LDB3: variants seen among roughly 807,000 people sequenced by gnomAD.
LDB3 encodes the protein LIM domain binding 3.
Under a neutral mutation model 69.0 loss-of-function variants are expected in LDB3, and 49 were observed. The ratio of observed to expected loss-of-function variants is 0.71; its 90% CI spans 0.56 to 0.90. LDB3 has a LOEUF of 0.90. LDB3 is among the 40% of genes least tolerant of loss of function. The pLI, the probability that LDB3 is intolerant of heterozygous loss-of-function variation, is 0.00. For missense variants in LDB3, 928 were observed against 974.1 expected, an observed-to-expected ratio of 0.95 and a Z score of 0.63; for synonymous variants, 387 against 396.2, an observed-to-expected ratio of 0.98 and a Z score of 0.28.
intron 2 of LDB3, among the ~76,000 whole-genome samples, chr10:86,677,125 G>T (rs1313571275): frequency 6.6e-6 from 1 of 152,238 alleles, no homozygotes; most frequent in Non-Finnish European, 1.5e-5. Flanking sequence ...CAGCTTGTAG[G>T]GGGTGGGGTC....
chr10:86,685,832 C>A (rs540130890), intron 5 of LDB3: 7 of 1,071,144 alleles, frequency 6.5e-6, no homozygotes, highest in African/African-American at 3.1e-5. Flanking sequence ...GTGGGGTACA[C>A]TTGTACCCCT....
chr10:86,726,894 G>T (rs1207933559), intron 13 of LDB3, among the ~76,000 whole-genome samples: 1 of 152,162 alleles, frequency 6.6e-6, no homozygotes, highest in Non-Finnish European at 1.5e-5. Flanking sequence ...GAGGGTTTTG[G>T]GTTGGGGTGG....
At chr10:86,729,356 G>A (rs186881292) in intron 13 of LDB3, among the ~76,000 whole-genome samples, 1 of 152,336 alleles carries the variant, frequency 6.6e-6, no homozygotes. Context: ...CGACACTTGA[G>A]TTCCAATGGA....
intron 5 of LDB3, among the ~76,000 whole-genome samples, chr10:86,685,150 G>A (rs968368992): frequency 1.3e-5 from 2 of 152,124 alleles, no homozygotes; most frequent in Non-Finnish European, 1.5e-5. Context: ...GGTTTGGGGG[G>A]GCATAGGAAA....
At chr10:86,732,188 A>G (rs1378963386) in intron 13 of LDB3, among the ~76,000 whole-genome samples, 1 of 151,682 alleles carries the variant, frequency 6.6e-6, no homozygotes, top group Non-Finnish European at 1.5e-5. Flanking sequence ...ATTAGTGAGT[A>G]CAATCTTCTC....
intron 2 of LDB3, among the ~76,000 whole-genome samples, chr10:86,674,839 C>T (rs1471425417): frequency 1.3e-5 from 2 of 152,158 alleles, no homozygotes; most frequent in Non-Finnish European, 2.9e-5. Flanking sequence ...GAGCCCTGGA[C>T]TCTGGGCAAG....
At chr10:86,692,722 G>A (rs1845825921) in intron 7 of LDB3, 151 bp downstream of exon 7, 5 of 760,438 alleles carry the variant, frequency 6.6e-6, no homozygotes, top group Admixed American at 5.9e-5. Context: ...ACACTAGCTT[G>A]AGGCAGCATC....
intron 5 of LDB3, among the ~76,000 whole-genome samples, chr10:86,688,148 C>A (rs1044191644): frequency 2.0e-5 from 3 of 147,120 alleles, no homozygotes; most frequent in African/African-American, 7.5e-5. Flanking sequence ...CTGTTTTCTA[C>A]TTGGGAATAC....
Position 86,732,881 on chromosome 10 carries a change from C to T in LDB3, c.2095-6C>T. The T allele has an allele frequency of 1.2e-6, 2 of 1,612,398 alleles. No homozygotes were observed. Among genetic ancestry groups the T allele is most frequent in the Non-Finnish European group, 1.7e-6 (2 of 1,178,794 alleles). On this transcript the variant is annotated splice_region_variant and splice_polypyrimidine_tract_variant and intron_variant, in intron 13 of 13. Coordinates refer to ENST00000361373, the MANE Select transcript of LDB3 (RefSeq NM_007078.3). ...GGGTCTCACGCAGGTCTGTTCTCTG[C>T]TCCAGGTCTGCCATGTGAATCTGGA...
intron 8 of LDB3, among the ~76,000 whole-genome samples, chr10:86,707,943 T>C (rs986744357): frequency 6.6e-6 from 1 of 152,234 alleles, no homozygotes; most frequent in African/African-American, 2.4e-5. Context: ...TGCAGAAAGA[T>C]GAAACTTTGA....
intron 13 of LDB3, among the ~76,000 whole-genome samples, chr10:86,729,906 TGACTCA>T (rs1847396432): frequency 6.6e-6 from 1 of 152,218 alleles, no homozygotes; most frequent in African/African-American, 2.4e-5. Flanking sequence ...ATTGACAGGC[TGACTCA>T]TTCCAGAGAT....
At position 86,733,086 on chromosome 10, in the gene LDB3, C is replaced by A. The variant is rs1015571817; in HGVS notation, c.*110C>A. The A allele has an allele frequency of 3.9e-6, 3 of 770,776 alleles. No individual in the cohort carries two copies. In the African/African-American group the frequency reaches 5.2e-5, roughly 13 times the overall value. The allele number at this position is 770,776 out of a possible 1,614,324, so 47.7% of individuals were successfully genotyped here. On this transcript the variant is annotated 3_prime_UTR_variant, in exon 14 of 14. Coordinates refer to ENST00000361373, the MANE Select transcript of LDB3 (RefSeq NM_007078.3). ...GAGGGGAATGGGGAGAGAGAGGAAG[C>A]GACTGAGCCCTTTGGAAGTATAATT... is the stretch of plus-strand genomic sequence containing the variant.
chr10:86,717,352 A>G (rs1194968564), intron 10 of LDB3, among the ~76,000 whole-genome samples: 1 of 152,242 alleles, frequency 6.6e-6, no homozygotes, highest in Non-Finnish European at 1.5e-5. Context: ...ATACATACTC[A>G]TTAGTGAAGA....
Position 86,729,830 on chromosome 10 carries a change from C to CA in LDB3, c.2095-3054dup, listed in dbSNP as rs1312769238. Among the ~76,000 whole-genome samples, 5 of 152,306 alleles carry CA rather than the reference C, an allele frequency of 3.3e-5. No individual in the cohort carries two copies. The South Asian group carries it at 1.0e-3, about 32-fold the overall frequency. On this transcript the variant is annotated intron_variant, in intron 13 of 13. Transcript: ENST00000361373. ...CTTCTCTCCCCAGCCTGACTCATCC[C>CA]AAAGTTCTCACAAGCAACCAGCATT... is the stretch of plus-strand genomic sequence containing the variant.
chr10:86,710,186 C>T, intron 9 of LDB3, 136 bp downstream of exon 9: 1 of 1,527,106 alleles, frequency 6.5e-7, no homozygotes, highest in Non-Finnish European at 8.8e-7. Context: ...GCTCCGCCCT[C>T]CGTCCCCTAG....
Position 86,717,582 on chromosome 10 carries a change from A to G in LDB3, c.1677-382A>G, listed in dbSNP as rs148533412. Among the ~76,000 whole-genome samples, 31 of 152,350 alleles carry G rather than the reference A, an allele frequency of 2.0e-4. No homozygotes were observed. In the East Asian group the frequency reaches 5.2e-3, roughly 26 times the overall value. On this transcript the variant is annotated intron_variant, in intron 10 of 13. Transcript: ENST00000361373. ...GTACCTAGTGCGTAGGATTGTTGTG[A>G]GAATTAAGCAAGTTAATAAATGCAA... is the stretch of plus-strand genomic sequence containing the variant.
At chr10:86,700,641 C>T (rs1846224175) in intron 7 of LDB3, among the ~76,000 whole-genome samples, 1 of 152,162 alleles carries the variant, frequency 6.6e-6, no homozygotes, top group Admixed American at 6.5e-5. Flanking sequence ...CTCCCAGCTC[C>T]CACCCACCTG....
At chr10:86,725,371 C>G (rs1175778253) in intron 12 of LDB3, among the ~76,000 whole-genome samples, 1 of 152,182 alleles carries the variant, frequency 6.6e-6, no homozygotes, top group African/African-American at 2.4e-5. Flanking sequence ...AGTTCAATTT[C>G]TGAGGGATTT....
At chr10:86,668,392 T>G, upstream of LDB3, 1 of 481,362 alleles carries the variant, frequency 2.1e-6, no homozygotes, top group East Asian at 4.0e-5. Context: ...ATATTAGCCG[T>G]GTGAGTCATG....
Sources: gnomAD v4.1 joint callset for allele counts (sites outside exome capture counted in the v4.1 genomes callset) on GRCh38, gnomAD v4.1.1 for gene constraint, MANE v1.5 for transcripts, NCBI Gene and HGNC (gene_info 2026-07-23, HGNC 2026-07-21) for gene names.